The following GALNT13 variants were observed in gnomAD, a reference collection of about 807,000 sequenced individuals.
GALNT13 encodes the protein polypeptide N-acetylgalactosaminyltransferase 13, also known as UDP-GalNAc:polypeptide N-acetylgalactosaminyltransferase 13.
A neutral mutation model predicts 64.2 loss-of-function variants in GALNT13; 28 were observed. The observed-to-expected ratio is 0.44, with a 90% CI of 0.32 to 0.60. The LOEUF (loss-of-function observed/expected upper bound fraction) is 0.60. GALNT13 is among the 20% of genes least tolerant of loss of function. GALNT13 has a pLI of 0.05. For missense variants in GALNT13, 577 were observed against 669.8 expected (o/e 0.86, Z 1.53); for synonymous variants, 214 against 224.6 (o/e 0.95, Z 0.42).
the GALNT13 span, among the ~76,000 whole-genome samples, chr2:153,842,377 A>G: frequency 3.9e-3 from 589 of 152,296 alleles, 5 homozygotes; most frequent in African/African-American, 0.013. Context: ...TGAGAAAAAT[A>G]TTGGTGATTA....
At chr2:154,297,402 G>A (rs906422892) in intron 8 of GALNT13, among the ~76,000 whole-genome samples, 4 of 152,124 alleles carry the variant, frequency 2.6e-5, no homozygotes, top group Admixed American at 6.6e-5. Flanking sequence ...CATATGGCCT[G>A]TGAGGAGGGA....
At chr2:153,191,705 CTT>C in the GALNT13 span, among the ~76,000 whole-genome samples, 8 of 141,422 alleles carry the variant, frequency 5.7e-5, no homozygotes, top group Non-Finnish European at 6.2e-5. Context: ...GCTTGAAAGA[CTT>C]TTTTTTTTTT....
the GALNT13 span, among the ~76,000 whole-genome samples, chr2:153,719,509 A>T: frequency 6.6e-6 from 1 of 152,176 alleles, no homozygotes; most frequent in Non-Finnish European, 1.5e-5. Context: ...AGCTTGAGCG[A>T]CGCAGAAGAC....
the GALNT13 span, among the ~76,000 whole-genome samples, chr2:153,653,908 A>C: frequency 1.3e-5 from 2 of 152,210 alleles, no homozygotes; most frequent in Non-Finnish European, 2.9e-5. Flanking sequence ...TTAACAAAAT[A>C]ATGGATTTTG....
At chr2:154,349,694 G>A (rs707028) in intron 9 of GALNT13, among the ~76,000 whole-genome samples, 151,521 of 152,326 alleles carry the variant, frequency 0.99, 75,364 homozygotes, top group Middle Eastern at 1. Context: ...CCAGGAAGGG[G>A]GGAGATGGAC....
chr2:154,079,623 C>T (rs1373129904), intron 3 of GALNT13, among the ~76,000 whole-genome samples: 3 of 151,540 alleles, frequency 2.0e-5, no homozygotes, highest in South Asian at 2.1e-4. Flanking sequence ...TCCCTTTATT[C>T]GTCCCTCATG....
At chr2:153,642,377 TAAG>T in the GALNT13 span, among the ~76,000 whole-genome samples, 1 of 151,888 alleles carries the variant, frequency 6.6e-6, no homozygotes, top group African/African-American at 2.4e-5. Flanking sequence ...ATTTAATATA[TAAG>T]AACATGGAAA....
chr2:153,543,905 G>A, the GALNT13 span, among the ~76,000 whole-genome samples: 4 of 152,132 alleles, frequency 2.6e-5, no homozygotes, highest in African/African-American at 7.2e-5. Context: ...CCCTGGAGGC[G>A]TTCATTAGAA....
At chr2:154,117,733 G>T (rs865957188) in intron 3 of GALNT13, among the ~76,000 whole-genome samples, 3 of 152,200 alleles carry the variant, frequency 2.0e-5, no homozygotes, top group South Asian at 2.1e-4. Flanking sequence ...AACATAAAGT[G>T]GGGGAAAGGA....
intron 10 of GALNT13, among the ~76,000 whole-genome samples, chr2:154,401,468 C>G (rs1051274684): frequency 6.6e-6 from 1 of 152,036 alleles, no homozygotes; most frequent in Non-Finnish European, 1.5e-5. Context: ...TAATTTTTAT[C>G]CCAGGGTTTC....
the GALNT13 span, among the ~76,000 whole-genome samples, chr2:153,403,908 A>G: frequency 1.3e-5 from 2 of 152,338 alleles, no homozygotes; most frequent in Admixed American, 6.5e-5. Context: ...TCACACTGGT[A>G]GCTGTAGACC....
intron 1 of GALNT13, among the ~76,000 whole-genome samples, chr2:153,885,549 T>C (rs1687115567): frequency 6.6e-6 from 1 of 152,132 alleles, no homozygotes; most frequent in Non-Finnish European, 1.5e-5. Flanking sequence ...CTAAACACTT[T>C]CAAAGCACTG....
At chr2:153,216,623 A>G in the GALNT13 span, among the ~76,000 whole-genome samples, 1 of 152,054 alleles carries the variant, frequency 6.6e-6, no homozygotes, top group Non-Finnish European at 1.5e-5. Flanking sequence ...TGAAATGTCC[A>G]AATAATTGCA....
At chr2:153,683,862 AC>A in the GALNT13 span, among the ~76,000 whole-genome samples, 4 of 151,684 alleles carry the variant, frequency 2.6e-5, no homozygotes, top group Non-Finnish European at 5.9e-5. Flanking sequence ...TTTCCTAGGA[AC>A]TTTTGTGTTT....
At chr2:153,552,575 CTT>C in the GALNT13 span, among the ~76,000 whole-genome samples, 42 of 69,322 alleles carry the variant, frequency 6.1e-4, no homozygotes, top group African/African-American at 1.6e-3. Flanking sequence ...GCTTCTTCTT[CTT>C]TTTTTTTTTT....
rs796777067 is a variant in GALNT13, at chr2:154,321,684, G to A, written c.1156+20095G>A. Among the ~76,000 whole-genome samples the A allele has an allele frequency of 2.0e-4, 30 of 152,100 alleles. 1 individual carries two copies. Among genetic ancestry groups the A allele is most frequent in the African/African-American group, 7.2e-4 (30 of 41,500 alleles). ...ATGTAAAGATATTGAAACTGTATCT[G>A]AGACACACTAAAGACTTACTGAATT... On this transcript the variant is annotated intron_variant, in intron 9 of 12. Coordinates refer to ENST00000392825, the MANE Select transcript of GALNT13 (RefSeq NM_052917.4).
chr2:153,287,425 G>GGT, the GALNT13 span, among the ~76,000 whole-genome samples: 1 of 152,172 alleles, frequency 6.6e-6, no homozygotes, highest in East Asian at 1.9e-4. Context: ...CTGTATCCTG[G>GGT]GTTCTTTATG....
chr2:153,432,107 A>G, the GALNT13 span, among the ~76,000 whole-genome samples: 2 of 151,728 alleles, frequency 1.3e-5, no homozygotes, highest in Admixed American at 6.6e-5. Flanking sequence ...TGGAAATGGG[A>G]AAAAAAAGGA....
the GALNT13 span, among the ~76,000 whole-genome samples, chr2:153,172,378 G>T: frequency 6.6e-6 from 1 of 152,270 alleles, no homozygotes; most frequent in African/African-American, 2.4e-5. Context: ...CTGGGAGTTA[G>T]GGTGGGGAGC....
Sources: gnomAD v4.1 joint callset for allele counts (sites outside exome capture counted in the v4.1 genomes callset) on GRCh38, gnomAD v4.1.1 for gene constraint, MANE v1.5 for transcripts, NCBI Gene and HGNC (gene_info 2026-07-23, HGNC 2026-07-21) for gene names.